COLGALT2: variants seen among roughly 807,000 people sequenced by gnomAD.
The protein encoded by COLGALT2 is procollagen galactosyltransferase 2.
A neutral mutation model predicts 73.4 loss-of-function variants in COLGALT2; 49 were observed. That is an observed-to-expected ratio of 0.67 (90% CI 0.53 to 0.85). The LOEUF (loss-of-function observed/expected upper bound fraction) is 0.85. Among genes scored for constraint, COLGALT2 ranks in the 40% least tolerant of loss-of-function variants. COLGALT2 has a pLI of 0.00. For synonymous variants in COLGALT2, 295 were observed against 307.6 expected (o/e 0.96, Z 0.43); for missense variants, 722 against 790.2 (o/e 0.91, Z 1.03).
At chr1:183,969,755 C>A (rs12736784) in intron 4 of COLGALT2, among the ~76,000 whole-genome samples, 30,143 of 152,120 alleles carry the variant, frequency 0.2, 3,053 homozygotes, top group Admixed American at 0.24. Flanking sequence ...TTTATGTTGA[C>A]TTATGATTAA....
chr1:183,969,406 A>G lies in COLGALT2; in HGVS notation c.695T>C (p.Val232Ala). Residue 232 changes from valine (V) to alanine (A), a missense_variant, in exon 5 of 12, where the codon GTC (valine) becomes GCC (alanine). Val to Ala is a moderately conservative substitution (Grantham distance 64, BLOSUM62 0). Coordinates refer to ENST00000361927, the MANE Select transcript of COLGALT2 (RefSeq NM_015101.4). ...REWKRTGCFP[V>A]PMVHSTFLID... ...TAGGAAGGTGGAGTGGACCATGGGG[A>G]CGGGGAAGCAGCCTGTCCTCTTCCA... 1 of 1,613,818 alleles carries G rather than the reference A, an allele frequency of 6.2e-7. No individual in the cohort carries two copies. The highest frequency in any genetic ancestry group is 2.2e-5 in the East Asian group (1 of 44,866).
intron 1 of COLGALT2, among the ~76,000 whole-genome samples, chr1:184,018,169 C>G (rs1309629027): frequency 6.6e-6 from 1 of 152,080 alleles, no homozygotes; most frequent in Non-Finnish European, 1.5e-5. Context: ...AACAACAAAA[C>G]TACTTTTTAA....
At chr1:183,987,527 G>T (rs1671521365) in intron 1 of COLGALT2, among the ~76,000 whole-genome samples, 1 of 152,232 alleles carries the variant, frequency 6.6e-6, no homozygotes, top group Non-Finnish European at 1.5e-5. Context: ...CCAGCACTGT[G>T]CTTGCTCTTG....
At chr1:183,997,157 G>A (rs1231001677) in intron 1 of COLGALT2, among the ~76,000 whole-genome samples, 1 of 152,080 alleles carries the variant, frequency 6.6e-6, no homozygotes, top group Non-Finnish European at 1.5e-5. Flanking sequence ...TTCATTTTCT[G>A]TAGAAAAAAA....
chr1:183,981,977 A>G (rs957007172), intron 1 of COLGALT2, among the ~76,000 whole-genome samples: 10 of 152,240 alleles, frequency 6.6e-5, no homozygotes, highest in Non-Finnish European at 1.2e-4. Flanking sequence ...TGAAAATATT[A>G]TCTTGTAAAA....
chr1:183,960,255 T>C (rs894080242), intron 6 of COLGALT2, among the ~76,000 whole-genome samples: 9 of 152,330 alleles, frequency 5.9e-5, no homozygotes, highest in African/African-American at 1.4e-4. Flanking sequence ...GCCTACTGTT[T>C]TAAGTCAGCT....
chr1:183,991,861 A>AT lies in COLGALT2; in HGVS notation c.264-13342dup, dbSNP rs925442790. Among the ~76,000 whole-genome samples the AT allele has an allele frequency of 6.9e-3, 1,016 of 147,744 alleles. 9 individuals are homozygous for AT. The highest frequency in any genetic ancestry group is 0.011 in the Middle Eastern group (3 of 282). On this transcript the variant is annotated intron_variant, in intron 1 of 11. Coordinates refer to ENST00000361927, the MANE Select transcript of COLGALT2 (RefSeq NM_015101.4). ...GCAAACAGGAGGCTATTCTGATGGT[A>AT]TTTTTTTTTTTCCATTTCTATTCTG...
intron 6 of COLGALT2, among the ~76,000 whole-genome samples, chr1:183,962,307 G>A (rs1208450995): frequency 6.6e-6 from 1 of 151,534 alleles, no homozygotes; most frequent in African/African-American, 2.4e-5. Flanking sequence ...CTACAGATGT[G>A]CACTACCATG....
chr1:183,944,415 T>A (rs1670196419), intron 9 of COLGALT2, 92 bp from the exon 10 acceptor site: 2 of 1,376,632 alleles, frequency 1.5e-6, no homozygotes, highest in Admixed American at 2.3e-5. Flanking sequence ...ACGAGTCTAG[T>A]AGCACAGATT....
At chr1:183,998,317 C>A (rs1023805761) in intron 1 of COLGALT2, among the ~76,000 whole-genome samples, 3 of 152,070 alleles carry the variant, frequency 2.0e-5, no homozygotes, top group African/African-American at 7.2e-5. Context: ...TTTTGTGAAA[C>A]CTGTTTGTAT....
chr1:184,031,957 C>T (rs183741295), intron 1 of COLGALT2, among the ~76,000 whole-genome samples: 135 of 152,034 alleles, frequency 8.9e-4, no homozygotes, highest in African/African-American at 3.1e-3. Context: ...AGCACAGTGG[C>T]TCAATCTCGG....
At chr1:183,930,553 C>A (rs1375096751) in intron 11 of COLGALT2, among the ~76,000 whole-genome samples, 1 of 144,072 alleles carries the variant, frequency 6.9e-6, no homozygotes, top group Non-Finnish European at 1.5e-5. Flanking sequence ...CAATGCCCTG[C>A]TAATTTTTTC....
At chr1:183,999,901 T>C (rs946540009) in intron 1 of COLGALT2, among the ~76,000 whole-genome samples, 2 of 152,128 alleles carry the variant, frequency 1.3e-5, no homozygotes, top group Admixed American at 1.3e-4. Context: ...CTCTTTGATA[T>C]CTTCAGTTTC....
intron 6 of COLGALT2, among the ~76,000 whole-genome samples, chr1:183,958,607 A>G (rs1670614404): frequency 1.3e-5 from 2 of 151,548 alleles, no homozygotes; most frequent in Non-Finnish European, 2.9e-5. Context: ...AAATCAAATT[A>G]GATCTACCTT....
chr1:183,943,872 G>A (rs539334820), intron 10 of COLGALT2, among the ~76,000 whole-genome samples: 82 of 152,224 alleles, frequency 5.4e-4, no homozygotes, highest in Middle Eastern at 3.4e-3. Context: ...CATGTGCCAC[G>A]TTAATTGAGG....
chr1:184,001,065 C>A (rs1671909784), intron 1 of COLGALT2, among the ~76,000 whole-genome samples: 1 of 151,958 alleles, frequency 6.6e-6, no homozygotes, highest in African/African-American at 2.4e-5. Flanking sequence ...GGTCTCCTGA[C>A]CTCGTGATCC....
intron 7 of COLGALT2, among the ~76,000 whole-genome samples, chr1:183,952,528 T>C (rs1342383427): frequency 2.6e-5 from 4 of 152,230 alleles, no homozygotes; most frequent in African/African-American, 9.6e-5. Flanking sequence ...GTTCAGATTG[T>C]ACTGTGTTAA....
intron 1 of COLGALT2, among the ~76,000 whole-genome samples, chr1:184,005,753 G>A (rs1672055702): frequency 1.3e-5 from 2 of 152,102 alleles, no homozygotes; most frequent in African/African-American, 4.8e-5. Context: ...CTCAGCCCTG[G>A]TGCGAATCAT....
intron 1 of COLGALT2, among the ~76,000 whole-genome samples, chr1:183,996,235 AACCCTCAGGGAAATC>A (rs1222031241): frequency 6.6e-6 from 1 of 152,164 alleles, no homozygotes; most frequent in African/African-American, 2.4e-5. Flanking sequence ...ACCTCTGATA[AACCCTCAGGGAAATC>A]ACCCTGTGAT....
Sources: gnomAD v4.1 joint callset for allele counts (sites outside exome capture counted in the v4.1 genomes callset) on GRCh38, gnomAD v4.1.1 for gene constraint, MANE v1.5 for transcripts, NCBI Gene and HGNC (gene_info 2026-07-23, HGNC 2026-07-21) for gene names.